Variants in CAMK2A observed in about 807,000 individuals in gnomAD.
CAMK2A encodes the protein calcium/calmodulin dependent protein kinase II alpha.
In CAMK2A, 7 loss-of-function variants were observed where a neutral mutation model predicts 79.2. The ratio of observed to expected loss-of-function variants is 0.09; its 90% CI spans 0.05 to 0.17. The LOEUF is 0.17. Among genes scored for constraint, CAMK2A ranks in the 10% least tolerant of loss-of-function variants. The pLI is 1.00. For synonymous variants in CAMK2A, 242 were observed against 251.7 expected (o/e 0.96, Z 0.36); for missense variants, 214 against 646.4 (o/e 0.33, Z 7.25).
At chr5:150,274,283 A>T (rs1342906074) in intron 1 of CAMK2A, among the ~76,000 whole-genome samples, 17 of 152,258 alleles carry the variant, frequency 1.1e-4, no homozygotes, top group Admixed American at 1.1e-3. Context: ...TCCAGCTCAC[A>T]GGGGAAAAAC....
chr5:150,228,783 G>A (rs541732987), intron 16 of CAMK2A, among the ~76,000 whole-genome samples: 12 of 152,314 alleles, frequency 7.9e-5, no homozygotes, highest in South Asian at 4.1e-4. Context: ...TGGAAGGGGC[G>A]AGTTTTCTAA....
At chr5:150,260,458 C>CA (rs11374999) in intron 3 of CAMK2A, among the ~76,000 whole-genome samples, 29,949 of 115,212 alleles carry the variant, frequency 0.26, 3,676 homozygotes, top group South Asian at 0.39. Context: ...GAGTCCGTCT[C>CA]AAAAAAAAAA....
Position 150,221,537 on chromosome 5 carries a change from C to G in CAMK2A, c.*1173G>C, listed in dbSNP as rs1417456029. 3.5e-5 allele frequency: 14 copies of G among 398,692 alleles called. 1 individual carries two copies. The East Asian group carries it at 5.0e-4, about 14-fold the overall frequency. 24.7% of individuals were successfully genotyped at this position (398,692 alleles called of 1,614,324 possible). On this transcript the variant is annotated 3_prime_UTR_variant, in exon 19 of 19. Coordinates refer to ENST00000671881, the MANE Select transcript of CAMK2A (RefSeq NM_015981.4). ...GTTTGCGAGGGAAGCAAAGAAAAGT[C>G]CAGGTATTTCCATCCTGACAGCCTC...
chr5:150,228,220 C>T lies in CAMK2A; in HGVS notation c.1209G>A (p.Leu403=), dbSNP rs1168657398. The T allele has an allele frequency of 3.7e-6, 6 of 1,613,746 alleles. No homozygotes were observed. Among genetic ancestry groups the T allele is most frequent in the Non-Finnish European group, 5.1e-6 (6 of 1,179,822 alleles). ...TTTCAAAATAGAATCGATGGAAGTC[C>T]AGGCCCTCAACCAGGTTCCCCAGGG... ...PEALGNLVEG[L]DFHRFYFENL... Residue 403 remains leucine, a synonymous_variant, in exon 17 of 19, where the codon CTG becomes CTA. Transcript: ENST00000671881.
intron 17 of CAMK2A, among the ~76,000 whole-genome samples, chr5:150,227,957 T>C (rs1754674752): frequency 6.6e-6 from 1 of 152,132 alleles, no homozygotes; most frequent in Admixed American, 6.5e-5. Context: ...TGTGTGTCCC[T>C]GGTCTCTGGG....
intron 1 of CAMK2A, among the ~76,000 whole-genome samples, chr5:150,289,017 C>T (rs559857457): frequency 6.6e-6 from 1 of 152,282 alleles, no homozygotes; most frequent in Admixed American, 6.5e-5. Context: ...TGTACTGACG[C>T]CCTCACTCCT....
chr5:150,281,302 C>T (rs535703058), intron 1 of CAMK2A, among the ~76,000 whole-genome samples: 42 of 152,246 alleles, frequency 2.8e-4, no homozygotes, highest in Non-Finnish European at 4.1e-4. Context: ...GTAAGAGAAT[C>T]TGCATCCAAA....
At chr5:150,241,424 C>A (rs1165662717) in intron 13 of CAMK2A, among the ~76,000 whole-genome samples, 1 of 143,160 alleles carries the variant, frequency 7.0e-6, no homozygotes, top group South Asian at 2.4e-4. Context: ...CTCTTCTCTT[C>A]CCCTCCCCTC....
At position 150,284,867 on chromosome 5, in the gene CAMK2A, T is replaced by C. The variant is rs565378533; in HGVS notation, c.62+4697A>G. On this transcript the variant is annotated intron_variant, in intron 1 of 18. Coordinates refer to ENST00000671881, the MANE Select transcript of CAMK2A (RefSeq NM_015981.4). The surrounding 1 kb of genome is among the most constrained non-coding windows in gnomAD (Gnocchi z 5.3). ...CTCCATGGTCCTTACAATTCTGATG[T>C]TCCGGAGGTCTGCAATTTCCCATAT... Among the ~76,000 whole-genome samples the C allele has an allele frequency of 1.3e-5, 2 of 152,292 alleles. No individual in the cohort carries two copies. Among genetic ancestry groups the C allele is most frequent in the South Asian group, 4.1e-4 (2 of 4,820 alleles).
At chr5:150,285,343 G>A (rs528974014) in intron 1 of CAMK2A, among the ~76,000 whole-genome samples, 4 of 152,194 alleles carry the variant, frequency 2.6e-5, no homozygotes, top group Admixed American at 2.6e-4. Flanking sequence ...GCCCCAAAGT[G>A]CTGTGGATAG....
In CAMK2A at chr5:150,232,180, G is replaced by T. The variant is rs542577131; in HGVS notation, c.1067-800C>A. On this transcript the variant is annotated intron_variant, in intron 15 of 18. Transcript: ENST00000671881. Reference sequence around the variant, plus strand: ...TGAGCAGAATCCAAGCTTCAGCTTAGACAGATGTTTATTTAAATGACTGTC... The same window carrying T: ...TGAGCAGAATCCAAGCTTCAGCTTATACAGATGTTTATTTAAATGACTGTC... 2.6e-5 allele frequency among the ~76,000 whole-genome samples: 4 copies of T among 152,358 alleles called. No homozygotes were observed. The South Asian group carries it at 6.2e-4, about 24-fold the overall frequency.
intron 13 of CAMK2A, among the ~76,000 whole-genome samples, chr5:150,244,909 C>A (rs905539135): frequency 1.3e-5 from 2 of 152,156 alleles, no homozygotes; most frequent in Non-Finnish European, 2.9e-5. Flanking sequence ...CGCCTGCCCC[C>A]ACCCCAGCAC....
In CAMK2A at chr5:150,222,992, G is replaced by T. The variant is rs763490198; in HGVS notation, c.1463C>A (p.Pro488His). The T allele has an allele frequency of 6.2e-7, 1 of 1,613,620 alleles. No individual in the cohort carries two copies. Among genetic ancestry groups the T allele is most frequent in the Non-Finnish European group, 8.5e-7 (1 of 1,179,510 alleles). The change falls in exon 18 of 19, where the codon CCC becomes CAC. Residue 488 changes from proline (P) to histidine (H), a missense_variant. Physicochemically the swap from Pro to His is moderately conservative, Grantham distance 77 (BLOSUM62 -2). Coordinates refer to ENST00000671881, the MANE Select transcript of CAMK2A (RefSeq NM_015981.4). Reference protein sequence around the residue: ...FHRSGAPSVLPH With the variant: ...FHRSGAPSVLHH ...GGCAGGAAGGAGGGATTCTTACTGG[G>T]GCAGGACGGAGGGCGCCCCAGATCT...
At chr5:150,243,899 GA>G (rs1755451155) in intron 13 of CAMK2A, among the ~76,000 whole-genome samples, 2 of 152,152 alleles carry the variant, frequency 1.3e-5, no homozygotes, top group African/African-American at 4.8e-5. Context: ...AAGTGGGTAT[GA>G]GAAGCCCAGA....
chr5:150,286,894 GC>G (rs1477882428), intron 1 of CAMK2A, among the ~76,000 whole-genome samples: 1 of 152,260 alleles, frequency 6.6e-6, no homozygotes, highest in Non-Finnish European at 1.5e-5. Context: ...GGCCCTGGGG[GC>G]CTGTCATGTG....
intron 2 of CAMK2A, among the ~76,000 whole-genome samples, chr5:150,267,273 C>T (rs887542331): frequency 6.6e-6 from 1 of 152,010 alleles, no homozygotes; most frequent in African/African-American, 2.4e-5. Context: ...CCATACCCTA[C>T]CCCCCATCCC....
At chr5:150,271,416 G>A (rs1441442513) in intron 2 of CAMK2A, among the ~76,000 whole-genome samples, 1 of 152,206 alleles carries the variant, frequency 6.6e-6, no homozygotes, top group African/African-American at 2.4e-5. Flanking sequence ...GAGAAGAAAG[G>A]CAGCAACACA....
rs1049792314 is a variant in CAMK2A, at chr5:150,223,220, G to A, written c.1238-3C>T. 3 of 1,612,258 alleles carry A rather than the reference G, an allele frequency of 1.9e-6. No homozygotes were observed. In the South Asian group the frequency reaches 3.3e-5, roughly 18 times the overall value. ...GGGCTTGCTGTTCCGGGACCACACT[G>A]GAGGAGGGGATGGGAGGGGCAGAGG... On this transcript the variant is annotated splice_region_variant and splice_polypyrimidine_tract_variant and intron_variant, in intron 17 of 18. Coordinates refer to ENST00000671881, the MANE Select transcript of CAMK2A (RefSeq NM_015981.4). This position sits in a 1 kb window ranked among gnomAD's most constrained non-coding sequence, Gnocchi z 4.1.
At chr5:150,232,143 C>A (rs1754869753) in intron 15 of CAMK2A, among the ~76,000 whole-genome samples, 1 of 152,184 alleles carries the variant, frequency 6.6e-6, no homozygotes, top group African/African-American at 2.4e-5. Context: ...TCATTCAAAG[C>A]CAAATACATA....
Sources: allele counts gnomAD v4.1 joint callset (sites outside exome capture counted in the v4.1 genomes callset), GRCh38; gene constraint gnomAD v4.1.1; non-coding constraint Gnocchi (gnomAD v3.1); transcripts MANE v1.5; gene names NCBI Gene and HGNC (gene_info 2026-07-23, HGNC 2026-07-21).